The following EBF1 variants were observed in gnomAD, a reference collection of about 807,000 sequenced individuals.
EBF1 encodes the protein EBF transcription factor 1.
In EBF1, 10 loss-of-function variants were observed where a neutral mutation model predicts 68.4. That is an observed-to-expected ratio of 0.15 (90% CI 0.09 to 0.25). The LOEUF is 0.25. Ranked by LOEUF, EBF1 falls within the 10% of genes least tolerant of loss-of-function variation. The pLI is 1.00. For synonymous variants in EBF1, 298 were observed against 299.8 expected (o/e 0.99, Z 0.06); for missense variants, 509 against 794.4 (o/e 0.64, Z 4.32).
chr5:158,802,894 C>T (rs986976359), intron 8 of EBF1, among the ~76,000 whole-genome samples: 4 of 152,052 alleles, frequency 2.6e-5, no homozygotes, highest in South Asian at 2.1e-4. Context: ...AGTTTATTTA[C>T]GAGAATACCC....
chr5:158,732,800 G>A (rs1308048024), intron 10 of EBF1, among the ~76,000 whole-genome samples: 1 of 151,984 alleles, frequency 6.6e-6, no homozygotes, highest in Non-Finnish European at 1.5e-5. Flanking sequence ...AATGCTTATT[G>A]AAGTCATTAA....
At chr5:158,944,207 A>T (rs1337782783) in intron 6 of EBF1, among the ~76,000 whole-genome samples, 1 of 152,014 alleles carries the variant, frequency 6.6e-6, no homozygotes, top group Non-Finnish European at 1.5e-5. Context: ...TCCTAATGCC[A>T]TCCCTCCCCT....
intron 6 of EBF1, among the ~76,000 whole-genome samples, chr5:158,861,963 CTTT>C (rs368070588): frequency 0.013 from 1,924 of 152,164 alleles, 37 homozygotes; most frequent in African/African-American, 0.043. Context: ...ACACTATATC[CTTT>C]TTTATGTTAT....
chr5:158,760,648 T>C (rs1302092479), intron 10 of EBF1, among the ~76,000 whole-genome samples: 1 of 152,096 alleles, frequency 6.6e-6, no homozygotes, highest in Non-Finnish European at 1.5e-5. Context: ...TAAGAAATAA[T>C]GAGCGAAGGA....
chr5:158,942,643 A>G (rs1331311878), intron 6 of EBF1, among the ~76,000 whole-genome samples: 2 of 152,044 alleles, frequency 1.3e-5, no homozygotes, highest in African/African-American at 4.8e-5. Context: ...GGATCCAGTG[A>G]AGGTTTTTGA....
chr5:159,042,703 C>G (rs1365915320), intron 6 of EBF1, among the ~76,000 whole-genome samples: 1 of 151,702 alleles, frequency 6.6e-6, no homozygotes, highest in African/African-American at 2.4e-5. Flanking sequence ...AAAAAAAATC[C>G]GTCTTCTAAA....
At chr5:159,034,934 G>A (rs1297395842) in intron 6 of EBF1, among the ~76,000 whole-genome samples, 1 of 152,112 alleles carries the variant, frequency 6.6e-6, no homozygotes, top group East Asian at 1.9e-4. Flanking sequence ...GAGAAACAAA[G>A]ACCAGTCAAT....
Position 159,096,199 on chromosome 5 carries a change from G to A in EBF1, c.355+144C>T. ...GCCTCCTCAGGTGAAACCTCCTGGG[G>A]CGAAATTTAGGAGAGGCTGGTTCAC... On this transcript the variant is annotated intron_variant, in intron 3 of 15. Coordinates refer to ENST00000313708, the MANE Select transcript of EBF1 (RefSeq NM_024007.5). 8.9e-6 allele frequency: 8 copies of A among 894,860 alleles called. 1 individual carries two copies. In the South Asian group the frequency reaches 1.4e-4, roughly 16 times the overall value. 55.4% of individuals were successfully genotyped at this position (894,860 alleles called of 1,614,324 possible).
chr5:158,822,613 A>G (rs371493512), intron 8 of EBF1, among the ~76,000 whole-genome samples: 1 of 152,306 alleles, frequency 6.6e-6, no homozygotes. Flanking sequence ...AGAGTTAGGT[A>G]CAGGGCACAG....
Position 159,073,385 on chromosome 5 carries a change from G to T in EBF1, c.554+11C>A. On this transcript the variant is annotated intron_variant, in intron 6 of 15. Coordinates refer to ENST00000313708, the MANE Select transcript of EBF1 (RefSeq NM_024007.5). ...GGAATAAGAATCCAGTGAAAGAAGA[G>T]TGGTCCCTACCTGTCAATTATCACT... 6.2e-7 allele frequency: 1 copy of T among 1,613,480 alleles called. No individual in the cohort carries two copies. The highest frequency in any genetic ancestry group is 8.5e-7 in the Non-Finnish European group (1 of 1,179,430).
intron 10 of EBF1, among the ~76,000 whole-genome samples, chr5:158,743,578 A>G (rs1766912194): frequency 6.6e-6 from 1 of 152,218 alleles, no homozygotes; most frequent in African/African-American, 2.4e-5. Flanking sequence ...TAATAATCCA[A>G]ATGGAAAATA....
intron 14 of EBF1, among the ~76,000 whole-genome samples, chr5:158,708,949 T>C (rs536207203): frequency 6.6e-6 from 1 of 152,308 alleles, no homozygotes; most frequent in African/African-American, 2.4e-5. Flanking sequence ...AGATAACCAA[T>C]GATGGGAAAA....
intron 10 of EBF1, among the ~76,000 whole-genome samples, chr5:158,750,740 GT>G (rs1029827384): frequency 6.6e-6 from 1 of 150,902 alleles, no homozygotes; most frequent in African/African-American, 2.4e-5. Flanking sequence ...TATTTCAAAA[GT>G]TTTTTTTAAA....
rs753714441 is a variant in EBF1 at position 158,978,835 on chromosome 5, C to CACACAG, written c.554+94560_554+94561insCTGTGT. ...ACACACACACACACACACACACACACAGAGAGAGAGTCCACAGTTCTCTTT... is the reference window on the plus strand; with the variant it reads ...ACACACACACACACACACACACACACACACAGAGAGAGAGAGTCCACAGTTCTCTTT... On this transcript the variant is annotated intron_variant, in intron 6 of 15. Transcript: ENST00000313708. Among the ~76,000 whole-genome samples the CACACAG allele has an allele frequency of 3.9e-3, 573 of 147,012 alleles. 4 individuals carry two copies. The highest frequency in any genetic ancestry group is 0.013 in the African/African-American group (488 of 38,506).
intron 6 of EBF1, among the ~76,000 whole-genome samples, chr5:158,937,181 A>G (rs1812197558): frequency 1.3e-5 from 2 of 152,018 alleles, no homozygotes. Context: ...TTTTTTCTGA[A>G]GTGTCCAGAG....
chr5:158,722,923 C>A (rs796584634), intron 11 of EBF1, among the ~76,000 whole-genome samples: 1 of 152,150 alleles, frequency 6.6e-6, no homozygotes, highest in Non-Finnish European at 1.5e-5. Flanking sequence ...CCTCTTGGTT[C>A]TCCTGTCACC....
chr5:159,070,041 T>C (rs1169624663), intron 6 of EBF1, among the ~76,000 whole-genome samples: 3 of 152,192 alleles, frequency 2.0e-5, no homozygotes, highest in Non-Finnish European at 4.4e-5. Context: ...TTTTGCTTTT[T>C]ACTTTAACAA....
At chr5:158,956,851 C>A (rs1014009251) in intron 6 of EBF1, among the ~76,000 whole-genome samples, 2 of 151,574 alleles carry the variant, frequency 1.3e-5, no homozygotes, top group Non-Finnish European at 2.9e-5. Context: ...CTCCACCTCC[C>A]GGGTTCACAC....
chr5:158,850,251 T>A (rs1033904829), intron 6 of EBF1, among the ~76,000 whole-genome samples: 1 of 152,226 alleles, frequency 6.6e-6, no homozygotes, highest in Admixed American at 6.5e-5. Context: ...AACCCTTAGT[T>A]AAAACTCTTA....
Sources: allele counts gnomAD v4.1 joint callset (sites outside exome capture counted in the v4.1 genomes callset), GRCh38; gene constraint gnomAD v4.1.1; transcripts MANE v1.5; gene names NCBI Gene and HGNC (gene_info 2026-07-23, HGNC 2026-07-21).